SLC25A21: variants seen among roughly 807,000 people sequenced by gnomAD.
The protein encoded by SLC25A21 is solute carrier family 25 member 21.
A neutral mutation model predicts 43.8 loss-of-function variants in SLC25A21; 47 were observed. The observed-to-expected ratio is 1.07, with a 90% CI of 0.85 to 1.37. The LOEUF is 1.37. Ranked by LOEUF, SLC25A21 falls within the 40% of genes most tolerant of loss-of-function variation. The probability of loss-of-function intolerance (pLI) is 0.00; values close to 1 mark genes in which losing one functional copy is unlikely to be tolerated. For synonymous variants in SLC25A21, 131 were observed against 121.3 expected (o/e 1.08, Z -0.52); for missense variants, 352 against 350.2 (o/e 1.00, Z -0.04).
chr14:36,917,307 A>G (rs1416874283), intron 1 of SLC25A21, among the ~76,000 whole-genome samples: 2 of 152,096 alleles, frequency 1.3e-5, no homozygotes, highest in Non-Finnish European at 2.9e-5. Flanking sequence ...CCAGCCTAGA[A>G]AAGTAATTGT....
chr14:36,843,777 C>A (rs1205607357), intron 2 of SLC25A21, among the ~76,000 whole-genome samples: 1 of 152,130 alleles, frequency 6.6e-6, no homozygotes, highest in East Asian at 1.9e-4. Context: ...AGTAATTTAC[C>A]TAATGTTCAG....
intron 1 of SLC25A21, among the ~76,000 whole-genome samples, chr14:37,018,170 T>A (rs915752618): frequency 1.3e-5 from 2 of 152,044 alleles, no homozygotes; most frequent in East Asian, 3.9e-4. Flanking sequence ...ATGCTTATAG[T>A]ATAATCTTTT....
chr14:37,171,565 T>G (rs1566930397), intron 1 of SLC25A21, among the ~76,000 whole-genome samples: 1 of 152,176 alleles, frequency 6.6e-6, no homozygotes, highest in Non-Finnish European at 1.5e-5. Flanking sequence ...AAATCATAAT[T>G]TATATTTTAA....
At chr14:37,139,636 T>C (rs956024546) in intron 1 of SLC25A21, among the ~76,000 whole-genome samples, 3 of 152,174 alleles carry the variant, frequency 2.0e-5, no homozygotes, top group African/African-American at 7.2e-5. Context: ...GGCAACACTA[T>C]GAATCTTCAA....
chr14:37,060,395 T>C (rs1961920806), intron 1 of SLC25A21, among the ~76,000 whole-genome samples: 1 of 145,956 alleles, frequency 6.9e-6, no homozygotes, highest in South Asian at 2.1e-4. Context: ...ATAATAATAA[T>C]AATAATAATA....
intron 1 of SLC25A21, among the ~76,000 whole-genome samples, chr14:36,947,603 G>C (rs1412009899): frequency 6.6e-6 from 1 of 150,812 alleles, no homozygotes; most frequent in African/African-American, 2.4e-5. Context: ...CACTGCTTCA[G>C]AATGGCTTCT....
intron 1 of SLC25A21, among the ~76,000 whole-genome samples, chr14:36,961,783 G>C (rs1224641407): frequency 6.6e-6 from 1 of 152,170 alleles, no homozygotes; most frequent in African/African-American, 2.4e-5. Context: ...CATGAAAGTA[G>C]AGAGGCATAC....
chr14:37,161,479 G>A (rs1963939461), intron 1 of SLC25A21, among the ~76,000 whole-genome samples: 1 of 152,160 alleles, frequency 6.6e-6, no homozygotes, highest in African/African-American at 2.4e-5. Flanking sequence ...TAGAATGTCT[G>A]TTGTGGGTTG....
At chr14:36,968,879 G>A (rs1276828998) in intron 1 of SLC25A21, among the ~76,000 whole-genome samples, 3 of 152,106 alleles carry the variant, frequency 2.0e-5, no homozygotes, top group South Asian at 2.1e-4. Context: ...GTATTTTACT[G>A]TACACATATC....
intron 2 of SLC25A21, among the ~76,000 whole-genome samples, chr14:36,867,367 C>T (rs1890241106): frequency 6.6e-6 from 1 of 152,130 alleles, no homozygotes; most frequent in Non-Finnish European, 1.5e-5. Flanking sequence ...TTCAGTTTGG[C>T]TATAGAACTA....
intron 1 of SLC25A21, among the ~76,000 whole-genome samples, chr14:37,082,715 G>T (rs1027491575): frequency 3.3e-5 from 5 of 152,118 alleles, no homozygotes; most frequent in African/African-American, 1.2e-4. Flanking sequence ...AAATCAGATG[G>T]CCACTGGACA....
chr14:36,924,410 G>A (rs1594696269), intron 1 of SLC25A21, among the ~76,000 whole-genome samples: 1 of 152,164 alleles, frequency 6.6e-6, no homozygotes, highest in African/African-American at 2.4e-5. Context: ...ATCATTCTCA[G>A]CAAACTATCT....
chr14:37,027,155 T>G (rs1161889812), intron 1 of SLC25A21, among the ~76,000 whole-genome samples: 2 of 152,170 alleles, frequency 1.3e-5, no homozygotes, highest in African/African-American at 4.8e-5. Flanking sequence ...GCAATCTCAT[T>G]TCTACTAATT....
At chr14:36,761,770 C>T (rs1007513085) in intron 3 of SLC25A21, among the ~76,000 whole-genome samples, 8 of 149,356 alleles carry the variant, frequency 5.4e-5, no homozygotes, top group Non-Finnish European at 9.0e-5. Context: ...ATTATCAAAT[C>T]AACTATAAAG....
intron 1 of SLC25A21, among the ~76,000 whole-genome samples, chr14:37,152,619 T>C (rs1013292754): frequency 8.5e-5 from 13 of 152,150 alleles, no homozygotes; most frequent in African/African-American, 3.1e-4. Flanking sequence ...AACACAGTTC[T>C]GGAAGTCACC....
chr14:36,796,224 T>G (rs1266313356), intron 3 of SLC25A21, among the ~76,000 whole-genome samples: 1 of 152,144 alleles, frequency 6.6e-6, no homozygotes, highest in Non-Finnish European at 1.5e-5. Context: ...AGCATTATAG[T>G]GCCTTAAAAT....
chr14:37,167,510 T>C (rs56933807), intron 1 of SLC25A21, among the ~76,000 whole-genome samples: 16,880 of 151,188 alleles, frequency 0.11, 2,302 homozygotes, highest in African/African-American at 0.32. Flanking sequence ...ATTTATAGTT[T>C]ACAGTTTAAA....
intron 1 of SLC25A21, among the ~76,000 whole-genome samples, chr14:37,163,950 G>A (rs188415533): frequency 4.5e-4 from 68 of 152,178 alleles, no homozygotes; most frequent in Non-Finnish European, 7.4e-4. Context: ...ACATTTCTGA[G>A]CCCCTACTTG....
intron 7 of SLC25A21, among the ~76,000 whole-genome samples, chr14:36,699,821 C>A (rs1040150706): frequency 6.6e-6 from 1 of 152,128 alleles, no homozygotes; most frequent in Non-Finnish European, 1.5e-5. Context: ...AGTATTTGGG[C>A]GGGAGTGCCC....
Sources: allele counts gnomAD v4.1 joint callset (sites outside exome capture counted in the v4.1 genomes callset), GRCh38; gene constraint gnomAD v4.1.1; transcripts MANE v1.5; gene names NCBI Gene and HGNC (gene_info 2026-07-23, HGNC 2026-07-21).